The following ALG13 variants were observed in gnomAD, a reference collection of about 807,000 sequenced individuals.
ALG13 encodes the protein UDP-N-acetylglucosamine transferase subunit ALG13.
Under a neutral mutation model 87.8 loss-of-function variants are expected in ALG13, and 11 were observed. The ratio of observed to expected loss-of-function variants is 0.13; its 90% CI spans 0.08 to 0.21. The LOEUF is 0.21. Ranked by LOEUF, ALG13 falls within the 10% of genes least tolerant of loss-of-function variation. ALG13 has a pLI of 1.00. For missense variants in ALG13, 756 were observed against 866.1 expected (o/e 0.87, Z 1.60); for synonymous variants, 320 against 306.3 (o/e 1.04, Z -0.47).
chrX:111,740,965 C>T (rs963297263), intron 23 of ALG13, among the ~76,000 whole-genome samples: 4 of 111,866 alleles, frequency 3.6e-5, no homozygotes, highest in African/African-American at 1.3e-4. Flanking sequence ...TCTAACTAAT[C>T]AATTAAAAAG....
chrX:111,721,635 C>T lies in ALG13; in HGVS notation c.1359C>T (p.Pro453=). 9 of 1,199,858 alleles carry T rather than the reference C, an allele frequency of 7.5e-6. No individual in the cohort carries two copies. Among genetic ancestry groups the T allele is most frequent in the African/African-American group, 7.0e-5 (4 of 57,129 alleles). Residue 453 remains proline (P), a synonymous_variant, in exon 12 of 27, where the codon CCC becomes CCT. Transcript: ENST00000394780. ...SPENPSKMPF[P]YKVLKALDPE... is the part of the protein sequence containing the mutation. ...AAAATCCATCAAAGATGCCCTTCCC[C>T]TATAAGGTGCTCAAAGCCCTGGATC...
rs775697727 is a variant in ALG13, at chrX:111,727,368, G to A, written c.2013G>A (p.Pro671=). ...SSRFINRHNM[P]GPKVDFYPGP... The stretch of plus-strand genomic sequence containing the variant: ...GGTTTATAAACAGGCACAACATGCC[G>A]GGCCCTAAAGTTGATTTTTACCCAG... Residue 671 remains proline, a synonymous_variant, in exon 17 of 27, where the codon CCG becomes CCA. Transcript: ENST00000394780. 74 of 1,207,606 alleles carry A rather than the reference G, an allele frequency of 6.1e-5. No individual in the cohort carries two copies. The Admixed American group carries it at 1.5e-3, about 24-fold the overall frequency.
At chrX:111,709,121 C>A in intron 5 of ALG13, 73 bp downstream of exon 5, 1 of 596,000 alleles carries the variant, frequency 1.7e-6, no homozygotes, top group Non-Finnish European at 2.5e-6. Flanking sequence ...TGAGCACCTA[C>A]CAAAATTAAA....
At chrX:111,722,925 C>T in intron 13 of ALG13, 68 bp downstream of exon 13, 1 of 770,895 alleles carries the variant, frequency 1.3e-6, no homozygotes, top group Non-Finnish European at 1.9e-6. Flanking sequence ...ATGAGTTGAA[C>T]AAGACTTATT....
In ALG13 at chrX:111,716,535, C is replaced by A. The variant is rs768371986; in HGVS notation, c.1006-1311C>A. On this transcript the variant is annotated intron_variant, in intron 8 of 26. Transcript: ENST00000394780. ...AGGATTTCTCTGCTCAAAATCTGCT[C>A]ACTGTTCTTATGGGTTAATAAACTC... 5.3e-5 allele frequency among the ~76,000 whole-genome samples: 6 copies of A among 112,428 alleles called. No individual in the cohort carries two copies. In the East Asian group the frequency reaches 1.7e-3, roughly 31 times the overall value.
chrX:111,692,092 G>T (rs2147812262), intron 3 of ALG13, among the ~76,000 whole-genome samples: 1 of 110,982 alleles, frequency 9.0e-6, no homozygotes, highest in African/African-American at 3.3e-5. Flanking sequence ...CAAACTCAAG[G>T]TGTGCCCCAA....
At chrX:111,713,198 C>G (rs746929972) in intron 7 of ALG13, 27 bp from the exon 8 acceptor site, 4 of 1,088,974 alleles carry the variant, frequency 3.7e-6, no homozygotes, top group Non-Finnish European at 2.5e-6. Flanking sequence ...TTATGTCTTC[C>G]CACTTACCTT....
Position 111,696,982 on chromosome X carries a change from CTTT to C in ALG13, c.384-11026_384-11024del, listed in dbSNP as rs55888261. ...TCAGTGAAATTGCTCTGGTTCTTAC[CTTT>C]TTTTTTTTTTTTTTTTTTGGACCAA... On this transcript the variant is annotated intron_variant, in intron 3 of 26. Coordinates refer to ENST00000394780, the MANE Select transcript of ALG13 (RefSeq NM_001099922.3). Among the ~76,000 whole-genome samples, 451 of 74,124 alleles carry C rather than the reference CTTT, an allele frequency of 6.1e-3. 2 individuals carry two copies. The highest frequency in any genetic ancestry group is 0.023 in the African/African-American group (428 of 18,462). 64.4% of individuals were successfully genotyped at this position (74,124 alleles called of 115,157 possible). A position where few individuals can be genotyped will look rare whatever the true frequency, so the allele number is the denominator to read the frequency against.
At chrX:111,719,025 C>CTTTT (rs1174274292) in intron 10 of ALG13, among the ~76,000 whole-genome samples, 5 of 82,409 alleles carry the variant, frequency 6.1e-5, no homozygotes, top group Non-Finnish European at 1.1e-4. Context: ...AATTTTTTTT[C>CTTTT]TTTTTTTTTT....
Position 111,752,733 on chromosome X carries a change from A to G in ALG13, c.2933-57A>G, listed in dbSNP as rs138109869. The G allele has an allele frequency of 1.3e-3, 1,211 of 920,840 alleles. 5 individuals are homozygous for G. The African/African-American group carries it at 0.02, about 15-fold the overall frequency. The allele number at this position is 920,840 out of a possible 1,213,427, so 75.9% of individuals were successfully genotyped here. On this transcript the variant is annotated intron_variant, in intron 24 of 26. Coordinates refer to ENST00000394780, the MANE Select transcript of ALG13 (RefSeq NM_001099922.3). ...GCCCAGCCAGAAAAGCTTTTAAAAG[A>G]TAATTCTAATTGCTTATGTCAGTCA... is the stretch of plus-strand genomic sequence containing the variant.
chrX:111,718,336 G>A, intron 10 of ALG13, 62 bp downstream of exon 10: 2 of 996,638 alleles, frequency 2.0e-6, no homozygotes, highest in South Asian at 4.8e-5. Flanking sequence ...ATAATCATTT[G>A]AAAGTGGAAG....
rs1040054081 is a variant in ALG13, at chrX:111,690,829, T to C, written c.383+5726T>C. On this transcript the variant is annotated intron_variant, in intron 3 of 26. Transcript: ENST00000394780. ...AAAAAGGTTGTTTGCCACTTTAATA[T>C]TTAGTTTGAGGAAGTTTTTCAAGAC... Among the ~76,000 whole-genome samples the C allele has an allele frequency of 6.3e-5, 7 of 111,315 alleles. No homozygotes were observed. The Admixed American group carries it at 6.7e-4, about 11-fold the overall frequency.
At chrX:111,709,848 T>G (rs1448156992) in intron 5 of ALG13, among the ~76,000 whole-genome samples, 2 of 111,103 alleles carry the variant, frequency 1.8e-5, no homozygotes, top group Non-Finnish European at 3.8e-5. Context: ...GCTTGTTACC[T>G]TGAAGTTCAT....
At chrX:111,705,129 A>G (rs1171446834) in intron 3 of ALG13, among the ~76,000 whole-genome samples, 1 of 111,460 alleles carries the variant, frequency 9.0e-6, no homozygotes, top group Non-Finnish European at 1.9e-5. Context: ...AGTTTCTCCA[A>G]TCCTTGTTAA....
chrX:111,681,954 T>G, intron 1 of ALG13, 178 bp from the exon 2 acceptor site: 1 of 861,190 alleles, frequency 1.2e-6, no homozygotes, highest in Non-Finnish European at 1.5e-6. Context: ...GCTTGGGAGG[T>G]TCCTCGTCGG....
chrX:111,736,978 C>G (rs1316097564), intron 23 of ALG13, 99 bp downstream of exon 23: 1 of 718,081 alleles, frequency 1.4e-6, no homozygotes, highest in Non-Finnish European at 2.0e-6. Context: ...ACTTTAATTT[C>G]CAGAATTAAA....
chrX:111,744,609 T>A, intron 23 of ALG13, 59 bp from the exon 24 acceptor site: 1 of 1,100,097 alleles, frequency 9.1e-7, no homozygotes, highest in African/African-American at 1.8e-5. Context: ...TAGATGAGCC[T>A]ACTGTTCATA....
intron 15 of ALG13, among the ~76,000 whole-genome samples, chrX:111,725,620 A>G (rs1436802178): frequency 2.7e-5 from 3 of 111,930 alleles, no homozygotes; most frequent in Non-Finnish European, 3.8e-5. Context: ...AATGTTCCCA[A>G]CATAAAGAAT....
At chrX:111,719,375 A>G (rs1440554989) in intron 10 of ALG13, among the ~76,000 whole-genome samples, 3 of 111,720 alleles carry the variant, frequency 2.7e-5, no homozygotes, top group Admixed American at 9.5e-5. Flanking sequence ...GCAACCATGT[A>G]TTAGGGTAAA....
Sources: allele counts gnomAD v4.1 joint callset (sites outside exome capture counted in the v4.1 genomes callset), GRCh38; gene constraint gnomAD v4.1.1; transcripts MANE v1.5; gene names NCBI Gene and HGNC (gene_info 2026-07-23, HGNC 2026-07-21).